Variants in NRL observed in about 807,000 individuals in gnomAD.
NRL encodes neural retina leucine zipper, also known as neural retina-specific leucine zipper protein.
A neutral mutation model predicts 12.5 loss-of-function variants in NRL; 16 were observed. The ratio of observed to expected loss-of-function variants is 1.28; its 90% CI spans 0.87 to 1.95. The LOEUF is 1.95. Ranked by LOEUF, NRL falls within the 30% of genes most tolerant of loss-of-function variation. The pLI, the probability that NRL is intolerant of heterozygous loss-of-function variation, is 0.00. For missense variants in NRL, 314 were observed against 325.8 expected (o/e 0.96, Z 0.28); for synonymous variants, 142 against 150.9 (o/e 0.94, Z 0.43).
chr14:24,102,875 G>C, intron 1 of NRL: 1 of 1,613,844 alleles, frequency 6.2e-7, no homozygotes, highest in Admixed American at 1.7e-5. Context: ...CATCTTTGGT[G>C]GCCGCAGACC....
intron 1 of NRL, chr14:24,093,345 T>G (rs964132941): frequency 3.3e-5 from 5 of 152,170 alleles, no homozygotes; most frequent in African/African-American, 1.2e-4. Context: ...ATGATGGTAG[T>G]TGGGTGGGCA....
At chr14:24,083,935 C>G (rs1227646225) in intron 1 of NRL, among the ~76,000 whole-genome samples, 1 of 152,204 alleles carries the variant, frequency 6.6e-6, no homozygotes, top group African/African-American at 2.4e-5. Flanking sequence ...TGAGGAACTT[C>G]TGGCTGGGTG....
chr14:24,099,850 G>A (rs767041804), intron 1 of NRL: 8 of 1,546,358 alleles, frequency 5.2e-6, no homozygotes, highest in Non-Finnish European at 7.1e-6. Flanking sequence ...CATTCCTCTG[G>A]CAGCCCAGCC....
At chr14:24,091,584 T>C (rs1239832072) in intron 1 of NRL, among the ~76,000 whole-genome samples, 1 of 152,172 alleles carries the variant, frequency 6.6e-6, no homozygotes, top group East Asian at 1.9e-4. Context: ...TAATTTTTAA[T>C]GGTAAATCAA....
In NRL at chr14:24,114,803, G is replaced by A. The variant is rs1013818314; in HGVS notation, c.-109C>T. 2.0e-5 allele frequency: 20 copies of A among 985,860 alleles called. No homozygotes were observed. The highest frequency in any genetic ancestry group is 2.4e-5 in the Non-Finnish European group (20 of 829,972). The allele number at this position is 985,860 out of a possible 1,614,324, so 61.1% of individuals were successfully genotyped here. On this transcript the variant is annotated 5_prime_UTR_variant, in exon 1 of 3. Transcript: ENST00000561028. ...TGTGACGTTTGCAGCCCGCCGGCCA[G>A]GAAGCCGCGAGATGCGTGACGAGCG... is the stretch of plus-strand genomic sequence containing the variant.
At chr14:24,097,288 C>T (rs889130328) in intron 1 of NRL, 22 of 736,198 alleles carry the variant, frequency 3.0e-5, no homozygotes, top group South Asian at 9.4e-5. Context: ...GATTTGCTTA[C>T]GCCTATAATC....
At position 24,082,563 on chromosome 14, in the gene NRL, T is replaced by C; in HGVS notation, c.286A>G (p.Met96Val). The C allele has an allele frequency of 6.2e-7, 1 of 1,613,624 alleles. No individual in the cohort carries two copies. Among genetic ancestry groups the C allele is most frequent in the Non-Finnish European group, 8.5e-7 (1 of 1,180,014 alleles). The change falls in exon 2 of 3, where the codon ATG (methionine) becomes GTG (valine). Residue 96 changes from methionine (M) to valine (V), a missense_variant. Met to Val is a conservative substitution (Grantham distance 21). Coordinates refer to ENST00000561028, the MANE Select transcript of NRL (RefSeq NM_001354768.3). ...EALGLSPEEA[M>V]ELLQGQGPVP... The stretch of plus-strand genomic sequence containing the variant: ...GGGCCCTGACCCTGCAGCAGCTCCA[T>C]GGCCTCTTCAGGACTCAGCCCCAAT...
At chr14:24,090,510 T>C (rs951234581) in intron 1 of NRL, among the ~76,000 whole-genome samples, 1 of 152,168 alleles carries the variant, frequency 6.6e-6, no homozygotes. Context: ...ACAGCTCCCT[T>C]TGGCCACAGA....
intron 1 of NRL, among the ~76,000 whole-genome samples, chr14:24,108,713 G>C (rs2037375662): frequency 1.3e-5 from 2 of 152,122 alleles, no homozygotes; most frequent in East Asian, 1.9e-4. Flanking sequence ...CACAAGACAT[G>C]AGAGTATTAG....
chr14:24,104,503 G>A (rs890568278), intron 1 of NRL, among the ~76,000 whole-genome samples: 5 of 151,628 alleles, frequency 3.3e-5, no homozygotes, highest in African/African-American at 1.2e-4. Flanking sequence ...ACCGGGAGTG[G>A]TGGCGGGCGC....
In NRL at chr14:24,094,412, G is replaced by A. The variant is rs529249073; in HGVS notation, c.-27-11537C>T. 125 of 1,559,498 alleles carry A rather than the reference G, an allele frequency of 8.0e-5. 1 individual carries two copies. In the Middle Eastern group the frequency reaches 1.2e-3, roughly 15 times the overall value. ...CAGCCCCTGCCCAGGTGCCATGGCC[G>A]CATTGTACCGCCCTGGCCTGCGGTG... On this transcript the variant is annotated intron_variant, in intron 1 of 2. Coordinates refer to ENST00000561028, the MANE Select transcript of NRL (RefSeq NM_001354768.3). The surrounding 1 kb of genome is among the most constrained non-coding windows in gnomAD (Gnocchi z 4.1).
chr14:24,082,530 C>T lies in NRL; in HGVS notation c.319G>A (p.Val107Ile), dbSNP rs1239747296. The change falls in exon 2 of 3, where the codon GTT (valine) becomes ATT (isoleucine). Residue 107 changes from valine (V) to isoleucine (I), a missense_variant. Coordinates refer to ENST00000561028, the MANE Select transcript of NRL (RefSeq NM_001354768.3). ...GGGTAGTAGCCATGGGGCCCATCAA[C>T]AGGGACTGGGCCCTGACCCTGCAGC... ...ELLQGQGPVP[V>I]DGPHGYYPGS... 1.2e-6 allele frequency: 2 copies of T among 1,613,448 alleles called. No individual in the cohort carries two copies. The highest frequency in any genetic ancestry group is 8.5e-7 in the Non-Finnish European group (1 of 1,180,034).
In NRL at chr14:24,092,354, C is replaced by T. The variant is rs28674477; in HGVS notation, c.-27-9479G>A. Among the ~76,000 whole-genome samples the T allele has an allele frequency of 5.1e-3, 773 of 152,286 alleles. 8 individuals are homozygous for T. The highest frequency in any genetic ancestry group is 0.017 in the African/African-American group (722 of 41,556). On this transcript the variant is annotated intron_variant, in intron 1 of 2. Coordinates refer to ENST00000561028, the MANE Select transcript of NRL (RefSeq NM_001354768.3). The stretch of plus-strand genomic sequence containing the variant: ...ATTGAGAAGTACAATTCCAAAGGTC[C>T]TGGCATCTGATTAGCTATGCAGGAT...
In NRL at chr14:24,104,279, CAT is replaced by C. The variant is rs745783532; in HGVS notation, c.-28+10441_-28+10442del. 8.0e-4 allele frequency: 281 copies of C among 349,338 alleles called. 1 individual carries two copies. The highest frequency in any genetic ancestry group is 1.3e-3 in the Non-Finnish European group (234 of 185,986). 21.6% of individuals were successfully genotyped at this position (349,338 alleles called of 1,614,324 possible). ...GGTAGCTCTAGCACTGGGTCACAGACATAGGAATTGCTGGGAGAAGGCACTAT... is the reference window on the plus strand; with the variant it reads ...GGTAGCTCTAGCACTGGGTCACAGACAGGAATTGCTGGGAGAAGGCACTAT... On this transcript the variant is annotated intron_variant, in intron 1 of 2. Coordinates refer to ENST00000561028, the MANE Select transcript of NRL (RefSeq NM_001354768.3).
intron 1 of NRL, among the ~76,000 whole-genome samples, chr14:24,106,540 G>A (rs1209690500): frequency 6.6e-6 from 1 of 152,030 alleles, no homozygotes; most frequent in Non-Finnish European, 1.5e-5. Context: ...GACCAACATG[G>A]TGAAACCCCA....
chr14:24,081,735 A>G lies in NRL; in HGVS notation c.382-167T>C. ...TCTGTTTCGGTCCAGAGCCCGCCCCAGGCCCCGACGCTCCCCGGGCCCCCC... is the reference window on the plus strand; with the variant it reads ...TCTGTTTCGGTCCAGAGCCCGCCCCGGGCCCCGACGCTCCCCGGGCCCCCC... On this transcript the variant is annotated intron_variant, in intron 2 of 2. Coordinates refer to ENST00000561028, the MANE Select transcript of NRL (RefSeq NM_001354768.3). The surrounding 1 kb of genome is among the most constrained non-coding windows in gnomAD (Gnocchi z 4.4). The G allele has an allele frequency of 2.6e-6, 4 of 1,520,996 alleles. No homozygotes were observed. The highest frequency in any genetic ancestry group is 1.2e-5 in the South Asian group (1 of 81,818). The allele number at this position is 1,520,996 out of a possible 1,614,324, so 94.2% of individuals were successfully genotyped here.
chr14:24,109,402 T>C (rs866718803), intron 1 of NRL, among the ~76,000 whole-genome samples: 34 of 152,260 alleles, frequency 2.2e-4, no homozygotes, highest in African/African-American at 7.9e-4. Context: ...GGCTTAAAAA[T>C]CTTTTATATG....
chr14:24,093,701 G>C (rs184617519), intron 1 of NRL, among the ~76,000 whole-genome samples: 1 of 152,112 alleles, frequency 6.6e-6, no homozygotes, highest in South Asian at 2.1e-4. Context: ...GGGATGTGCC[G>C]GGGGAGGAGA....
At chr14:24,101,495 G>A (rs1026908838) in intron 1 of NRL, among the ~76,000 whole-genome samples, 5 of 152,232 alleles carry the variant, frequency 3.3e-5, no homozygotes, top group African/African-American at 1.2e-4. Flanking sequence ...CAGGACACCT[G>A]AAGGTGCCAA....
Sources: gnomAD v4.1 joint callset for allele counts (sites outside exome capture counted in the v4.1 genomes callset) on GRCh38, gnomAD v4.1.1 for gene constraint, Gnocchi (gnomAD v3.1) non-coding constraint, MANE v1.5 for transcripts, NCBI Gene and HGNC (gene_info 2026-07-23, HGNC 2026-07-21) for gene names.